RAPGEF6: variants seen among roughly 807,000 people sequenced by gnomAD.
RAPGEF6 encodes PDZ domain containing guanine nucleotide exchange factor (GEF) 2.
In RAPGEF6, 56 loss-of-function variants were observed where a neutral mutation model predicts 171.4. The ratio of observed to expected loss-of-function variants is 0.33; its 90% confidence interval spans 0.26 to 0.41. RAPGEF6 has a LOEUF of 0.41. Ranked by LOEUF, RAPGEF6 falls within the 10% of genes least tolerant of loss-of-function variation. The pLI is 1.00. For missense variants in RAPGEF6, 1,674 were observed against 1,921.4 expected (o/e 0.87, Z 2.41); for synonymous variants, 692 against 650.1 (o/e 1.06, Z -0.98).
chr5:131,602,513 C>T (rs988043339), intron 3 of RAPGEF6, among the ~76,000 whole-genome samples: 5 of 152,258 alleles, frequency 3.3e-5, no homozygotes, highest in South Asian at 2.1e-4. Flanking sequence ...GTAATTCCAG[C>T]GCTTTGGGAG....
chr5:131,606,473 G>T (rs1465703602), intron 1 of RAPGEF6, among the ~76,000 whole-genome samples: 1 of 151,698 alleles, frequency 6.6e-6, no homozygotes, highest in East Asian at 1.9e-4. Flanking sequence ...CCTTACTAAA[G>T]TAACAGTGAA....
At chr5:131,526,004 G>C (rs958861986) in intron 6 of RAPGEF6, among the ~76,000 whole-genome samples, 1 of 152,182 alleles carries the variant, frequency 6.6e-6, no homozygotes, top group Non-Finnish European at 1.5e-5. Context: ...ATACACTCAA[G>C]TAAGCAGTAG....
At chr5:131,575,422 C>A (rs1006146381) in intron 4 of RAPGEF6, among the ~76,000 whole-genome samples, 1 of 152,186 alleles carries the variant, frequency 6.6e-6, no homozygotes, top group Non-Finnish European at 1.5e-5. Context: ...GTATCCCCCT[C>A]TAAAGCCCAG....
rs948111713 is a variant in RAPGEF6, at chr5:131,461,802, T to G, written c.2767A>C (p.Asn923His). 1.7e-5 allele frequency: 28 copies of G among 1,613,758 alleles called. No homozygotes were observed. Among genetic ancestry groups the G allele is most frequent in the Non-Finnish European group, 2.3e-5 (27 of 1,179,796 alleles). Residue 923 changes from asparagine (N) to histidine (H), a missense_variant, in exon 19 of 28, where the codon AAT becomes CAT. Coordinates refer to ENST00000509018, the MANE Select transcript of RAPGEF6 (RefSeq NM_016340.6). ...WVASEILTEANQLKRMKIIKH... is the reference protein window; with the variant it reads ...WVASEILTEAHQLKRMKIIKH... ...ATAATCTTCATTCGTTTGAGCTGAT[T>G]TGCTTCAGTTAAAATTTCTGAGGCA... is the stretch of plus-strand genomic sequence containing the variant.
intron 6 of RAPGEF6, among the ~76,000 whole-genome samples, chr5:131,540,743 C>T (rs767108021): frequency 1.3e-5 from 2 of 152,240 alleles, no homozygotes; most frequent in Non-Finnish European, 2.9e-5. Context: ...TGAGACCTGA[C>T]ATTCTAGAGA....
At chr5:131,566,724 A>T (rs1218243552) in intron 4 of RAPGEF6, among the ~76,000 whole-genome samples, 1 of 151,448 alleles carries the variant, frequency 6.6e-6, no homozygotes, top group Admixed American at 6.6e-5. Flanking sequence ...CTGTACTCAA[A>T]GTTTCTTTTT....
intron 7 of RAPGEF6, among the ~76,000 whole-genome samples, chr5:131,510,771 C>G (rs184345671): frequency 1.3e-5 from 2 of 152,244 alleles, no homozygotes; most frequent in African/African-American, 4.8e-5. Context: ...GTATTAATAT[C>G]TGTTTTCCAC....
chr5:131,633,887 GAAAC>G (rs1432697013), intron 1 of RAPGEF6, among the ~76,000 whole-genome samples: 1 of 152,230 alleles, frequency 6.6e-6, no homozygotes, highest in East Asian at 1.9e-4. Context: ...TCATCATAAG[GAAAC>G]AAACACTCAT....
chr5:131,577,233 C>T (rs1157276084), intron 4 of RAPGEF6, among the ~76,000 whole-genome samples: 1 of 152,160 alleles, frequency 6.6e-6, no homozygotes, highest in African/African-American at 2.4e-5. Context: ...GTCTCCCAGG[C>T]CTTCGGCATC....
chr5:131,601,878 A>G (rs1041863879), intron 3 of RAPGEF6, among the ~76,000 whole-genome samples: 3 of 151,308 alleles, frequency 2.0e-5, no homozygotes, highest in African/African-American at 7.3e-5. Context: ...CTAAAAATAC[A>G]AAAAAAATTA....
chr5:131,457,059 CTTTAT>C (rs1313784608), intron 19 of RAPGEF6, among the ~76,000 whole-genome samples: 1 of 152,078 alleles, frequency 6.6e-6, no homozygotes, highest in Non-Finnish European at 1.5e-5. Context: ...AACAACAATC[CTTTAT>C]TTTATTTATT....
chr5:131,511,999 C>T (rs1757763830), intron 7 of RAPGEF6, among the ~76,000 whole-genome samples: 1 of 152,114 alleles, frequency 6.6e-6, no homozygotes, highest in Non-Finnish European at 1.5e-5. Context: ...AGTAGGCAGC[C>T]TATAGCCTCA....
Position 131,426,441 on chromosome 5 carries a change from T to G in RAPGEF6, c.*825A>C, listed in dbSNP as rs939397170. On this transcript the variant is annotated 3_prime_UTR_variant, in exon 28 of 28. Coordinates refer to ENST00000509018, the MANE Select transcript of RAPGEF6 (RefSeq NM_016340.6). ...CAATTCGATGCAGCATAACTTTCAC[T>G]TAAGGAAGAATTTGTATACATGTCA... is the stretch of plus-strand genomic sequence containing the variant. 1 of 152,346 alleles carries G rather than the reference T, an allele frequency of 6.6e-6. No homozygotes were observed. Among genetic ancestry groups the G allele is most frequent in the African/African-American group, 2.4e-5 (1 of 41,450 alleles). The allele number at this position is 152,346 out of a possible 1,614,324, so 9.4% of individuals were successfully genotyped here.
At chr5:131,617,156 G>A (rs1047475139) in intron 1 of RAPGEF6, among the ~76,000 whole-genome samples, 2 of 152,178 alleles carry the variant, frequency 1.3e-5, no homozygotes, top group Non-Finnish European at 2.9e-5. Flanking sequence ...TAACAATGTG[G>A]AAGACAGCTG....
intron 4 of RAPGEF6, among the ~76,000 whole-genome samples, chr5:131,564,194 G>A (rs900221705): frequency 6.6e-6 from 1 of 152,198 alleles, no homozygotes; most frequent in Non-Finnish European, 1.5e-5. Context: ...GAATTTGCAA[G>A]GCAGTGTTCC....
intron 5 of RAPGEF6, among the ~76,000 whole-genome samples, chr5:131,557,926 C>A (rs553109799): frequency 1.0e-3 from 154 of 152,168 alleles, no homozygotes; most frequent in Non-Finnish European, 1.8e-3. Context: ...AAGATTTTTA[C>A]ATTTATTTTC....
At chr5:131,556,996 C>T (rs1340472914) in intron 5 of RAPGEF6, among the ~76,000 whole-genome samples, 1 of 152,024 alleles carries the variant, frequency 6.6e-6, no homozygotes, top group Non-Finnish European at 1.5e-5. Context: ...GTCTATGTTG[C>T]CCAGGCTGGA....
intron 4 of RAPGEF6, among the ~76,000 whole-genome samples, chr5:131,585,293 C>CT (rs777740793): frequency 0.029 from 4,034 of 137,510 alleles, 91 homozygotes; most frequent in African/African-American, 0.071. Context: ...AAAAACTATA[C>CT]ATACATACAT....
intron 16 of RAPGEF6, among the ~76,000 whole-genome samples, chr5:131,476,971 T>C (rs902465941): frequency 1.3e-5 from 2 of 152,220 alleles, no homozygotes; most frequent in African/African-American, 4.8e-5. Context: ...AAACAAATGG[T>C]ATCCAGTATT....
Sources: allele counts gnomAD v4.1 joint callset (sites outside exome capture counted in the v4.1 genomes callset), GRCh38; gene constraint gnomAD v4.1.1; transcripts MANE v1.5; gene names NCBI Gene and HGNC (gene_info 2026-07-23, HGNC 2026-07-21).